SLC41A2: variants seen among roughly 807,000 people sequenced by gnomAD.
The protein encoded by SLC41A2 is solute carrier family 41 member 2.
SLC41A2 carries 32 observed loss-of-function variants against 58.3 expected under a neutral mutation model. That is an observed-to-expected ratio of 0.55 (90% CI 0.41 to 0.74). The LOEUF (loss-of-function observed/expected upper bound fraction) is 0.74. SLC41A2 is among the 30% of genes least tolerant of loss of function. SLC41A2 has a pLI of 0.00. For synonymous variants in SLC41A2, 190 were observed against 235.0 expected, an observed-to-expected ratio of 0.81 and a Z score of 1.75; for missense variants, 514 against 680.6, an observed-to-expected ratio of 0.76 and a Z score of 2.72.
At chr12:104,895,206 C>A in intron 4 of SLC41A2, 68 bp downstream of exon 4, 1 of 1,147,538 alleles carries the variant, frequency 8.7e-7, no homozygotes, top group African/African-American at 1.5e-5. Context: ...AAAATTTACA[C>A]CAATCTTATA....
In SLC41A2 at chr12:104,831,463, G is replaced by A. The variant is rs182299473; in HGVS notation, c.1536+13009C>T. On this transcript the variant is annotated intron_variant, in intron 10 of 10. Coordinates refer to ENST00000258538, the MANE Select transcript of SLC41A2 (RefSeq NM_001352171.3). Reference sequence around the variant, plus strand: ...AATAATGACATTTCTGTTAACAATGGACCACATAGATGATGGTGGTTCTGT... The same window carrying A: ...AATAATGACATTTCTGTTAACAATGAACCACATAGATGATGGTGGTTCTGT... Among the ~76,000 whole-genome samples the A allele has an allele frequency of 1.9e-4, 29 of 152,180 alleles. 1 individual carries two copies. In the East Asian group the frequency reaches 4.1e-3, roughly 21 times the overall value.
At chr12:104,925,507 G>A (rs1209069958) in intron 2 of SLC41A2, among the ~76,000 whole-genome samples, 1 of 151,814 alleles carries the variant, frequency 6.6e-6, no homozygotes, top group Non-Finnish European at 1.5e-5. Context: ...GCAGTGAGCC[G>A]AGATAGCGCC....
intron 10 of SLC41A2, among the ~76,000 whole-genome samples, chr12:104,812,747 A>G (rs1335415703): frequency 6.6e-6 from 1 of 152,144 alleles, no homozygotes; most frequent in Non-Finnish European, 1.5e-5. Context: ...AGGAAGGTGG[A>G]ATGCTCTGGA....
intron 6 of SLC41A2, among the ~76,000 whole-genome samples, chr12:104,874,537 G>A (rs1314409092): frequency 2.6e-5 from 4 of 152,160 alleles, no homozygotes; most frequent in Non-Finnish European, 4.4e-5. Context: ...CTTTGTGTAT[G>A]TGTAAGATAA....
chr12:104,951,627 CAA>C (rs1565926724), intron 1 of SLC41A2: 1 of 151,996 alleles, frequency 6.6e-6, no homozygotes, highest in Non-Finnish European at 1.5e-5. Context: ...GCTCTGGCAA[CAA>C]ACTGACATCA....
chr12:104,913,691 C>T (rs976833677), intron 2 of SLC41A2, among the ~76,000 whole-genome samples: 1 of 152,142 alleles, frequency 6.6e-6, no homozygotes, highest in African/African-American at 2.4e-5. Context: ...GCGATGCTTC[C>T]CAGACTGTCA....
intron 8 of SLC41A2, chr12:104,852,067 A>C (rs1374011191): frequency 6.6e-6 from 1 of 152,256 alleles, no homozygotes; most frequent in Non-Finnish European, 1.5e-5. Flanking sequence ...CGGCAAGAGT[A>C]TTTAACTACA....
rs894132547 is a variant in SLC41A2 at position 104,801,848 on chromosome 12, C to T, written c.*3304G>A. Among the ~76,000 whole-genome samples the T allele has an allele frequency of 1.2e-4, 18 of 152,302 alleles. 2 individuals are homozygous for T. Among genetic ancestry groups the T allele is most frequent in the Admixed American group, 9.8e-4 (15 of 15,288 alleles). On this transcript the variant is annotated 3_prime_UTR_variant, in exon 11 of 11. Coordinates refer to ENST00000258538, the MANE Select transcript of SLC41A2 (RefSeq NM_001352171.3). ...ATAATTCATAAATATCATATGTATACATAAATTACCCCAGTCTCTTCTGGG... is the reference window on the plus strand; with the variant it reads ...ATAATTCATAAATATCATATGTATATATAAATTACCCCAGTCTCTTCTGGG...
chr12:104,855,410 C>T (rs770131558), intron 8 of SLC41A2, among the ~76,000 whole-genome samples: 6 of 152,090 alleles, frequency 3.9e-5, no homozygotes, highest in South Asian at 2.1e-4. Flanking sequence ...TTTTTATTCT[C>T]GTGCTTTTCT....
intron 8 of SLC41A2, among the ~76,000 whole-genome samples, chr12:104,853,911 A>ATTATTATT: frequency 4.5e-4 from 27 of 59,492 alleles, no homozygotes; most frequent in Admixed American, 8.6e-4. Context: ...TGCCTGGCTG[A>ATTATTATT]TTTTTTTTTT....
chr12:104,806,313 C>T (rs9737957), intron 10 of SLC41A2, among the ~76,000 whole-genome samples: 31,029 of 150,970 alleles, frequency 0.21, 4,323 homozygotes, highest in African/African-American at 0.39. Flanking sequence ...GAACATGCAG[C>T]GTTTGGTTTT....
intron 1 of SLC41A2, among the ~76,000 whole-genome samples, chr12:104,950,801 T>C (rs1202593500): frequency 6.6e-6 from 1 of 152,130 alleles, no homozygotes; most frequent in East Asian, 1.9e-4. Flanking sequence ...GTCCCCATAT[T>C]ACCCAACTTG....
intron 10 of SLC41A2, among the ~76,000 whole-genome samples, chr12:104,810,122 G>A (rs544866695): frequency 3.3e-5 from 5 of 152,200 alleles, no homozygotes; most frequent in East Asian, 3.9e-4. Flanking sequence ...GTCAGCAGAC[G>A]CTAGGTATAT....
intron 1 of SLC41A2, among the ~76,000 whole-genome samples, chr12:104,933,808 G>T (rs2264893): frequency 0.49 from 74,956 of 151,840 alleles, 18,927 homozygotes; most frequent in Middle Eastern, 0.56. Flanking sequence ...TCTAAGTGAC[G>T]TAACTCAGGA....
chr12:104,811,895 A>C (rs966654310), intron 10 of SLC41A2, among the ~76,000 whole-genome samples: 1 of 152,220 alleles, frequency 6.6e-6, no homozygotes, highest in Non-Finnish European at 1.5e-5. Flanking sequence ...GATTACTTAC[A>C]TGTCTGTGTG....
At chr12:104,920,718 A>T (rs1199481149) in intron 2 of SLC41A2, among the ~76,000 whole-genome samples, 1 of 151,902 alleles carries the variant, frequency 6.6e-6, no homozygotes, top group Admixed American at 6.6e-5. Context: ...AGGTCAGGAG[A>T]TCGAGACCAT....
chr12:104,884,770 C>A (rs556173116), intron 6 of SLC41A2, among the ~76,000 whole-genome samples: 9 of 152,204 alleles, frequency 5.9e-5, no homozygotes, highest in Non-Finnish European at 1.3e-4. Context: ...TAGTGACAGT[C>A]TCTCTTCACC....
At chr12:104,934,233 G>A (rs1018650892) in intron 1 of SLC41A2, among the ~76,000 whole-genome samples, 29 of 152,136 alleles carry the variant, frequency 1.9e-4, no homozygotes, top group African/African-American at 7.0e-4. Flanking sequence ...AGTTTCCACT[G>A]GCTTTACTGT....
intron 8 of SLC41A2, among the ~76,000 whole-genome samples, chr12:104,848,996 A>C (rs2042706742): frequency 1.3e-5 from 2 of 151,654 alleles, no homozygotes; most frequent in Non-Finnish European, 2.9e-5. Context: ...AAGTAGTGCT[A>C]AGATAATTAT....
Sources: allele counts gnomAD v4.1 joint callset (sites outside exome capture counted in the v4.1 genomes callset), GRCh38; gene constraint gnomAD v4.1.1; transcripts MANE v1.5; gene names NCBI Gene and HGNC (gene_info 2026-07-23, HGNC 2026-07-21).